Variants in CLUAP1 observed in about 807,000 individuals in gnomAD.
CLUAP1 encodes the protein intraflagellar transport 38.
Under a neutral mutation model 55.0 loss-of-function variants are expected in CLUAP1, and 50 were observed. That is an observed-to-expected ratio of 0.91 (90% CI 0.72 to 1.15). The LOEUF (loss-of-function observed/expected upper bound fraction) is 1.15, where lower values mean the gene tolerates loss of function less well. Among genes scored for constraint, CLUAP1 ranks in the 50% most tolerant of loss-of-function variants. CLUAP1 has a pLI of 0.00. For synonymous variants in CLUAP1, 195 were observed against 175.4 expected, an observed-to-expected ratio of 1.11 and a Z score of -0.88; for missense variants, 530 against 507.6, an observed-to-expected ratio of 1.04 and a Z score of -0.42.
chr16:3,501,191 C>A, intron 1 of CLUAP1, 102 bp downstream of exon 1: 1 of 1,281,780 alleles, frequency 7.8e-7, no homozygotes, highest in Non-Finnish European at 1.1e-6. Flanking sequence ...CTTGCGCTGC[C>A]GGAGGCTCCT....
At chr16:3,496,122 C>G (rs1260510323), upstream of CLUAP1, 1 of 377,096 alleles carries the variant, frequency 2.7e-6, no homozygotes, top group Non-Finnish European at 5.1e-6. Flanking sequence ...GCCTGGGCTG[C>G]AGAGCGAGAC....
rs184656312 is a variant in CLUAP1, at chr16:3,533,449, T to C, written c.1092+608T>C. On this transcript the variant is annotated intron_variant, in intron 11 of 11. Transcript: ENST00000576634. ...GCTCAGGACCAACCCCCCTCCCTGT[T>C]CTGTGCTGGGGACGGAATGGTGAAG... The C allele has an allele frequency of 2.7e-4, 121 of 440,966 alleles. No homozygotes were observed. In the East Asian group the frequency reaches 5.1e-3, roughly 18 times the overall value. The allele number at this position is 440,966 out of a possible 1,614,324, so 27.3% of individuals were successfully genotyped here.
chr16:3,529,860 AAT>A (rs2038078987), intron 9 of CLUAP1, among the ~76,000 whole-genome samples: 1 of 65,986 alleles, frequency 1.5e-5, no homozygotes, highest in Non-Finnish European at 2.8e-5. Flanking sequence ...TATATTTTAT[AAT>A]ATAATTTATA....
intron 8 of CLUAP1, among the ~76,000 whole-genome samples, chr16:3,525,546 C>G (rs1457696726): frequency 1.3e-5 from 2 of 151,740 alleles, no homozygotes; most frequent in African/African-American, 2.4e-5. Context: ...TCCCTCCCCC[C>G]CACTCTCTCT....
intron 9 of CLUAP1, among the ~76,000 whole-genome samples, chr16:3,527,951 G>A (rs1456548428): frequency 2.0e-5 from 3 of 152,146 alleles, no homozygotes; most frequent in Non-Finnish European, 2.9e-5. Flanking sequence ...AGCACAGCCT[G>A]GCATTCAGGG....
chr16:3,507,639 T>G (rs2037533597), intron 3 of CLUAP1, among the ~76,000 whole-genome samples: 2 of 151,582 alleles, frequency 1.3e-5, no homozygotes, highest in Admixed American at 6.6e-5. Flanking sequence ...CTGGGCCAAG[T>G]TCCATTCCAA....
intron 8 of CLUAP1, among the ~76,000 whole-genome samples, chr16:3,524,507 G>C (rs778339539): frequency 7.0e-6 from 1 of 142,714 alleles, no homozygotes; most frequent in Non-Finnish European, 1.5e-5. Flanking sequence ...TAAGGCAGGA[G>C]AATTGCTTGA....
At chr16:3,529,853 ATT>A (rs1226194291) in intron 9 of CLUAP1, among the ~76,000 whole-genome samples, 4 of 78,964 alleles carry the variant, frequency 5.1e-5, no homozygotes, top group Admixed American at 2.3e-4. Context: ...TATAATATAT[ATT>A]TTATAATATA....
Position 3,503,908 on chromosome 16 carries a change from T to C in CLUAP1, c.23-812T>C, listed in dbSNP as rs371146531. Among the ~76,000 whole-genome samples the C allele has an allele frequency of 3.2e-4, 49 of 152,336 alleles. 1 individual carries two copies. The South Asian group carries it at 9.3e-3, about 29-fold the overall frequency. On this transcript the variant is annotated intron_variant, in intron 1 of 11. Transcript: ENST00000576634. Reference sequence around the variant, plus strand: ...TACCTAGGTAGGTTATTTGTGAACATTGATGGACCATTTTGAACATGGATC... The same window carrying C: ...TACCTAGGTAGGTTATTTGTGAACACTGATGGACCATTTTGAACATGGATC...
At chr16:3,500,366 ATT>A (rs35022426), upstream of CLUAP1, among the ~76,000 whole-genome samples, 3,613 of 115,428 alleles carry the variant, frequency 0.031, 110 homozygotes, top group African/African-American at 0.11. Flanking sequence ...AGTATAGTGC[ATT>A]TTTTTTTTTT....
At chr16:3,520,150 T>A (rs912461970) in intron 7 of CLUAP1, 114 bp downstream of exon 7, 2 of 1,085,642 alleles carry the variant, frequency 1.8e-6, no homozygotes. Flanking sequence ...GGGCGGGGGG[T>A]TCTCTTGAGC....
chr16:3,507,312 G>T (rs1431746346), intron 3 of CLUAP1, among the ~76,000 whole-genome samples: 1 of 152,018 alleles, frequency 6.6e-6, no homozygotes, highest in Non-Finnish European at 1.5e-5. Context: ...TAGCACTTTG[G>T]CAGGCCAAGG....
intron 1 of CLUAP1, among the ~76,000 whole-genome samples, chr16:3,502,310 G>GGC (rs1446162531): frequency 6.6e-6 from 1 of 152,058 alleles, no homozygotes; most frequent in Non-Finnish European, 1.5e-5. Flanking sequence ...CGGGCATGGT[G>GGC]GCGCGCGTCT....
At position 3,520,025 on chromosome 16, in the gene CLUAP1, G is replaced by T. The variant is rs2037803528; in HGVS notation, c.702G>T (p.Leu234=). The change falls in exon 7 of 12, where the codon CTG becomes CTT. Residue 234 remains leucine, a synonymous_variant. Coordinates refer to ENST00000576634, the MANE Select transcript of CLUAP1 (RefSeq NM_015041.3). ...LERNRKRLET[L]QSVRPCFMDE... ...GAAATCGGAAGCGACTAGAGACTCT[G>T]CAGAGTGTCAGGTAGATATGAACAC... 3.7e-6 allele frequency: 6 copies of T among 1,610,672 alleles called. No homozygotes were observed. The highest frequency in any genetic ancestry group is 5.1e-6 in the Non-Finnish European group (6 of 1,179,142).
intron 7 of CLUAP1, 133 bp downstream of exon 7, chr16:3,520,169 TTGA>T: frequency 1.1e-6 from 1 of 875,706 alleles, no homozygotes; most frequent in Non-Finnish European, 1.7e-6. Flanking sequence ...GCCCAGGAGT[TTGA>T]GACCAGCCTG....
rs373849897 is a variant in CLUAP1, at chr16:3,526,444, C to G, written c.888C>G (p.Asn296Lys). The change falls in exon 9 of 12, where the codon AAC (asparagine) becomes AAG (lysine). Residue 296 changes from asparagine (N) to lysine (K), a missense_variant. Asn to Lys is a moderately conservative substitution (Grantham distance 94). Transcript: ENST00000576634. ...EAKNTLCLIQ[N>K]KLKEEEKRLL... Reference sequence around the variant, plus strand: ...AAAACACTCTCTGCCTGATACAGAACAAGCTCAAGGAGGAAGAGAAGCGCC... The same window carrying G: ...AAAACACTCTCTGCCTGATACAGAAGAAGCTCAAGGAGGAAGAGAAGCGCC... 3.6e-5 allele frequency: 58 copies of G among 1,608,878 alleles called. No individual in the cohort carries two copies. Among genetic ancestry groups the G allele is most frequent in the Non-Finnish European group, 4.9e-5 (58 of 1,178,740 alleles).
upstream of CLUAP1, among the ~76,000 whole-genome samples, chr16:3,498,020 G>T (rs969578416): frequency 1.1e-4 from 17 of 152,166 alleles, no homozygotes; most frequent in African/African-American, 4.1e-4. Context: ...CGCACAATAT[G>T]CTGCCTGCAA....
intron 11 of CLUAP1, chr16:3,533,084 T>C: frequency 6.5e-7 from 1 of 1,535,886 alleles, no homozygotes; most frequent in Non-Finnish European, 8.7e-7. Context: ...TTCTTTCCAT[T>C]CTCGCTTTCC....
At chr16:3,522,691 C>G (rs1395165180) in intron 7 of CLUAP1, among the ~76,000 whole-genome samples, 1 of 152,072 alleles carries the variant, frequency 6.6e-6, no homozygotes, top group Admixed American at 6.6e-5. Context: ...GCTAGGGTTA[C>G]AGGTGTGAGC....
Sources: allele counts gnomAD v4.1 joint callset (sites outside exome capture counted in the v4.1 genomes callset), GRCh38; gene constraint gnomAD v4.1.1; transcripts MANE v1.5; gene names NCBI Gene and HGNC (gene_info 2026-07-23, HGNC 2026-07-21).